Variants in KALRN observed in about 807,000 individuals in gnomAD.
KALRN encodes the protein kalirin RhoGEF kinase, also known as kalirin.
Under a neutral mutation model 353.7 loss-of-function variants are expected in KALRN, and 70 were observed. The ratio of observed to expected loss-of-function variants is 0.20; its 90% confidence interval spans 0.16 to 0.24. The LOEUF (loss-of-function observed/expected upper bound fraction) is 0.24. Ranked by LOEUF, KALRN falls within the 10% of genes least tolerant of loss-of-function variation. KALRN has a pLI of 1.00. For missense variants in KALRN, 2,791 were observed against 3,756.7 expected, an observed-to-expected ratio of 0.74 and a Z score of 6.72; for synonymous variants, 1,391 against 1,434.8, an observed-to-expected ratio of 0.97 and a Z score of 0.69.
intron 34 of KALRN, among the ~76,000 whole-genome samples, chr3:124,581,822 AC>A (rs1322314505): frequency 1.3e-5 from 2 of 152,168 alleles, no homozygotes; most frequent in Non-Finnish European, 2.9e-5. Context: ...TGCAAGAAAA[AC>A]AAAATAGGTA....
intron 21 of KALRN, among the ~76,000 whole-genome samples, chr3:124,453,699 C>T (rs556427816): frequency 6.6e-6 from 1 of 152,190 alleles, no homozygotes; most frequent in African/African-American, 2.4e-5. Context: ...CTTTCCTTTC[C>T]CTGAGCAATT....
At chr3:124,183,156 T>C (rs2073827212) in intron 1 of KALRN, among the ~76,000 whole-genome samples, 1 of 152,188 alleles carries the variant, frequency 6.6e-6, no homozygotes, top group African/African-American at 2.4e-5. Context: ...AGAAGATTGA[T>C]TAGGGCACAT....
intron 34 of KALRN, among the ~76,000 whole-genome samples, chr3:124,627,674 T>C (rs2080112313): frequency 6.6e-6 from 1 of 152,222 alleles, no homozygotes; most frequent in Non-Finnish European, 1.5e-5. Context: ...TGCAAACTTA[T>C]CAGCAGAAAG....
rs80347398 is a variant in KALRN at position 124,236,145 on chromosome 3, G to T, written c.263+1202G>T. On this transcript the variant is annotated intron_variant, in intron 3 of 59. Coordinates refer to ENST00000682506, the MANE Select transcript of KALRN (RefSeq NM_001388419.1). ...AACAAGTAGATGCTGAATAGTGTCT[G>T]TTTTTTTTTTTCTTTATGATATCCA... is the stretch of plus-strand genomic sequence containing the variant. Among the ~76,000 whole-genome samples the T allele has an allele frequency of 2.6e-3, 360 of 137,190 alleles. 1 individual carries two copies. Among genetic ancestry groups the T allele is most frequent in the African/African-American group, 8.3e-3 (330 of 39,656 alleles). 90.0% of individuals were successfully genotyped at this position (137,190 alleles called of 152,430 possible).
At chr3:124,354,924 A>T (rs1445703024) in intron 10 of KALRN, among the ~76,000 whole-genome samples, 2 of 152,222 alleles carry the variant, frequency 1.3e-5, no homozygotes, top group Non-Finnish European at 2.9e-5. Context: ...CACAGAAATG[A>T]GCCATCATGT....
chr3:124,540,861 G>T (rs1417112714), intron 33 of KALRN, among the ~76,000 whole-genome samples: 2 of 152,168 alleles, frequency 1.3e-5, no homozygotes, highest in African/African-American at 2.4e-5. Context: ...ATGTTCCCTA[G>T]CTGCATGCCA....
intron 1 of KALRN, among the ~76,000 whole-genome samples, chr3:124,071,647 C>T (rs1017891012): frequency 2.6e-5 from 4 of 152,200 alleles, no homozygotes; most frequent in Non-Finnish European, 5.9e-5. Flanking sequence ...CAAGATGGCA[C>T]CTTGAATACT....
At chr3:124,637,172 T>G in intron 36 of KALRN, 36 bp from the exon 37 acceptor site, 1 of 1,500,594 alleles carries the variant, frequency 6.7e-7, no homozygotes, top group Non-Finnish European at 9.3e-7. Flanking sequence ...TATTCTTTGC[T>G]AATCTGCTTT....
At chr3:124,599,265 A>C (rs1186544684) in intron 34 of KALRN, among the ~76,000 whole-genome samples, 1 of 152,168 alleles carries the variant, frequency 6.6e-6, no homozygotes, top group Non-Finnish European at 1.5e-5. Flanking sequence ...TATCATGCTC[A>C]CATTTTTTAG....
At chr3:124,082,259 T>C (rs892878766) in intron 1 of KALRN, 6 of 470,964 alleles carry the variant, frequency 1.3e-5, no homozygotes, top group African/African-American at 1.0e-4. Flanking sequence ...TTAGGGCAAC[T>C]AGTATGGAAA....
intron 21 of KALRN, among the ~76,000 whole-genome samples, chr3:124,454,864 C>G (rs1406973063): frequency 1.3e-5 from 2 of 152,138 alleles, no homozygotes; most frequent in Admixed American, 6.5e-5. Context: ...AAAAACCACA[C>G]CATGTTATAT....
intron 2 of KALRN, among the ~76,000 whole-genome samples, chr3:124,229,974 A>G (rs2078972887): frequency 6.6e-6 from 1 of 152,192 alleles, no homozygotes; most frequent in South Asian, 2.1e-4. Flanking sequence ...TGATTTGGGT[A>G]TGGGGAGAGG....
chr3:124,373,182 C>G (rs111605742), intron 10 of KALRN, among the ~76,000 whole-genome samples: 91 of 152,140 alleles, frequency 6.0e-4, no homozygotes, highest in Non-Finnish European at 1.2e-3. Context: ...CAGAAAAATA[C>G]TGTAAACTGG....
At position 124,298,907 on chromosome 3, in the gene KALRN, C is replaced by G. The variant is rs373123729; in HGVS notation, c.1086C>G (p.Asn362Lys). The G allele has an allele frequency of 6.2e-7, 1 of 1,614,164 alleles. No individual in the cohort carries two copies. The highest frequency in any genetic ancestry group is 1.7e-5 in the Admixed American group (1 of 60,026). The change falls in exon 6 of 60, where the codon AAC becomes AAG. Residue 362 changes from asparagine (N) to lysine (K), a missense_variant. Around this residue, in one of 11 missense-constraint regions of KALRN, gnomAD observed 366 missense variants for 489.2 expected, o/e 0.75. Coordinates refer to ENST00000682506, the MANE Select transcript of KALRN (RefSeq NM_001388419.1). The part of the protein sequence containing the change: ...LQTQHNHFAM[N>K]SMNAYVNINR... Reference sequence around the variant, plus strand: ...CGCAGCACAATCACTTTGCCATGAACTCCATGGTGAGCTGAGGGGCTGTTC... The same window carrying G: ...CGCAGCACAATCACTTTGCCATGAAGTCCATGGTGAGCTGAGGGGCTGTTC...
At chr3:124,700,110 C>A in intron 56 of KALRN, 77 bp downstream of exon 56, 3 of 1,423,138 alleles carry the variant, frequency 2.1e-6, no homozygotes, top group Admixed American at 1.8e-5. Context: ...CTCCTGGGCA[C>A]GTTGACATGT....
intron 17 of KALRN, among the ~76,000 whole-genome samples, chr3:124,438,077 G>T (rs1244739512): frequency 6.6e-6 from 1 of 152,124 alleles, no homozygotes; most frequent in East Asian, 1.9e-4. Flanking sequence ...GATTTGGAAG[G>T]ATGGCTGTAT....
chr3:124,091,081 G>T (rs756868509), intron 1 of KALRN, among the ~76,000 whole-genome samples: 1 of 152,214 alleles, frequency 6.6e-6, no homozygotes, highest in Non-Finnish European at 1.5e-5. Context: ...GGAATGTGTT[G>T]CCACGGGTTC....
At chr3:124,541,877 G>A (rs1224070718) in intron 33 of KALRN, among the ~76,000 whole-genome samples, 1 of 151,274 alleles carries the variant, frequency 6.6e-6, no homozygotes, top group East Asian at 1.9e-4. Context: ...AGGTTACAGA[G>A]GGAGACTCTG....
chr3:124,356,333 T>C (rs1344452450), intron 10 of KALRN, among the ~76,000 whole-genome samples: 12 of 59,248 alleles, frequency 2.0e-4, no homozygotes. Context: ...CTTTTTCTTT[T>C]TCTTTTTTTT....
Sources: allele counts gnomAD v4.1 joint callset (sites outside exome capture counted in the v4.1 genomes callset), GRCh38; gene constraint gnomAD v4.1.1; regional missense constraint gnomAD v4.1.1; transcripts MANE v1.5; gene names NCBI Gene and HGNC (gene_info 2026-07-23, HGNC 2026-07-21).